The following LHFPL3 variants were observed in gnomAD, a reference collection of about 807,000 sequenced individuals.
LHFPL3 encodes LHFPL tetraspan subfamily member 3, also known as LHFPL tetraspan subfamily member 3 protein.
LHFPL3 carries 5 observed loss-of-function variants against 19.3 expected under a neutral mutation model. The observed-to-expected ratio is 0.26, with a 90% CI of 0.14 to 0.54. The LOEUF (loss-of-function observed/expected upper bound fraction) is 0.54. LHFPL3 is among the 20% of genes least tolerant of loss of function. The pLI is 0.94. For missense variants in LHFPL3, 249 were observed against 307.4 expected, an observed-to-expected ratio of 0.81 and a Z score of 1.42; for synonymous variants, 133 against 126.2, an observed-to-expected ratio of 1.05 and a Z score of -0.36.
chr7:104,754,239 CAG>C (rs1046403591), intron 2 of LHFPL3, among the ~76,000 whole-genome samples: 2 of 152,072 alleles, frequency 1.3e-5, no homozygotes, highest in African/African-American at 2.4e-5. Context: ...AAAAAAGAAA[CAG>C]AATAAAATAA....
intron 2 of LHFPL3, among the ~76,000 whole-genome samples, chr7:104,859,584 A>G (rs934537177): frequency 1.3e-5 from 2 of 152,028 alleles, no homozygotes; most frequent in African/African-American, 4.8e-5. Flanking sequence ...TAGGAGAATC[A>G]CTTGAACCCG....
At chr7:104,862,798 G>C (rs1417703773) in intron 2 of LHFPL3, among the ~76,000 whole-genome samples, 2 of 152,160 alleles carry the variant, frequency 1.3e-5, no homozygotes, top group African/African-American at 4.8e-5. Context: ...GAAGTAAGCA[G>C]AGCCTGATAA....
chr7:104,357,021 G>A (rs1562873594), intron 1 of LHFPL3, among the ~76,000 whole-genome samples: 1 of 151,980 alleles, frequency 6.6e-6, no homozygotes, highest in African/African-American at 2.4e-5. Context: ...GGGACTTGGG[G>A]TCCCCAAATT....
At chr7:104,748,366 T>A (rs1794091098) in intron 2 of LHFPL3, among the ~76,000 whole-genome samples, 1 of 142,382 alleles carries the variant, frequency 7.0e-6, no homozygotes, top group African/African-American at 2.6e-5. Context: ...GGAGGATTAG[T>A]AAAAGAGGAA....
At chr7:104,605,605 C>T (rs1249013825) in intron 1 of LHFPL3, among the ~76,000 whole-genome samples, 1 of 152,180 alleles carries the variant, frequency 6.6e-6, no homozygotes, top group Non-Finnish European at 1.5e-5. Flanking sequence ...CCAACGGGTA[C>T]TCTGACTTGA....
chr7:104,691,373 G>A (rs1019258594), intron 1 of LHFPL3, among the ~76,000 whole-genome samples: 1 of 152,224 alleles, frequency 6.6e-6, no homozygotes, highest in African/African-American at 2.4e-5. Flanking sequence ...CCTATGATCA[G>A]TTGACAGAGG....
intron 1 of LHFPL3, among the ~76,000 whole-genome samples, chr7:104,696,203 G>A (rs1249539793): frequency 3.9e-5 from 6 of 152,210 alleles, no homozygotes; most frequent in African/African-American, 1.2e-4. Flanking sequence ...ACCTACCTCA[G>A]CCTCCCGGAG....
chr7:104,553,546 C>T (rs1584396957), intron 1 of LHFPL3, among the ~76,000 whole-genome samples: 1 of 152,074 alleles, frequency 6.6e-6, no homozygotes, highest in Admixed American at 6.6e-5. Flanking sequence ...TATGAAACTG[C>T]CTCTAGGTCC....
chr7:104,369,784 G>A (rs1457252149), intron 1 of LHFPL3, among the ~76,000 whole-genome samples: 1 of 152,158 alleles, frequency 6.6e-6, no homozygotes, highest in African/African-American at 2.4e-5. Flanking sequence ...GAATAATGAT[G>A]TTGAGCAACT....
chr7:104,774,642 T>C (rs1794611947), intron 2 of LHFPL3, among the ~76,000 whole-genome samples: 1 of 152,266 alleles, frequency 6.6e-6, no homozygotes, highest in African/African-American at 2.4e-5. Context: ...TGTGTTCCAG[T>C]GTTTTTCTAG....
At position 104,328,746 on chromosome 7, in the gene LHFPL3, CAGGAGGAGGAGGAGGAGG is replaced by C. The variant is rs71794813; in HGVS notation, c.-24_-7del. The C allele has an allele frequency of 2.7e-6, 4 of 1,489,742 alleles. No individual in the cohort carries two copies. The highest frequency in any genetic ancestry group is 1.4e-5 in the African/African-American group (1 of 70,998). 92.3% of individuals were successfully genotyped at this position (1,489,742 alleles called of 1,614,324 possible). A position where few individuals can be genotyped will look rare whatever the true frequency, so the allele number is the denominator to read the frequency against. ...TGAGAGGCGGGGGGAGGCGGAGGAC[CAGGAGGAGGAGGAGGAGG>C]AGGAGGAGGGGGAGAATGCCCGGAG... is the stretch of plus-strand genomic sequence containing the variant. On this transcript the variant is annotated 5_prime_UTR_variant, in exon 1 of 3. Transcript: ENST00000424859. This position sits in a 1 kb window ranked among gnomAD's most constrained non-coding sequence, Gnocchi z 4.6.
chr7:104,602,318 G>T (rs186725911), intron 1 of LHFPL3, among the ~76,000 whole-genome samples: 91 of 152,248 alleles, frequency 6.0e-4, no homozygotes, highest in African/African-American at 2.2e-3. Context: ...GCTGCGCCCA[G>T]CCAGCAATTT....
intron 2 of LHFPL3, among the ~76,000 whole-genome samples, chr7:104,796,258 G>A (rs1417862850): frequency 3.9e-5 from 6 of 152,168 alleles, no homozygotes; most frequent in East Asian, 1.9e-4. Context: ...GTGTGTGACC[G>A]GGGGGCTGGT....
intron 1 of LHFPL3, among the ~76,000 whole-genome samples, chr7:104,618,288 C>T (rs1175392075): frequency 6.6e-6 from 1 of 152,184 alleles, no homozygotes; most frequent in East Asian, 1.9e-4. Context: ...TAAGCAGTTG[C>T]TTGATTAACA....
chr7:104,586,646 T>C (rs947743713), intron 1 of LHFPL3, among the ~76,000 whole-genome samples: 7 of 152,180 alleles, frequency 4.6e-5, no homozygotes, highest in Admixed American at 6.6e-5. Context: ...TAAAGACGTC[T>C]AGTGGGTGAA....
At chr7:104,669,052 T>G in intron 1 of LHFPL3, 1 of 1,612,234 alleles carries the variant, frequency 6.2e-7, no homozygotes, top group Non-Finnish European at 8.5e-7. Context: ...CAGAAATGCA[T>G]GAAGGAGAGA....
At chr7:104,453,710 C>T (rs1282543101) in intron 1 of LHFPL3, among the ~76,000 whole-genome samples, 5 of 152,006 alleles carry the variant, frequency 3.3e-5, no homozygotes, top group Non-Finnish European at 7.4e-5. Context: ...ATCATAGGGG[C>T]GGGTCCCTCA....
chr7:104,779,237 T>C (rs73713438), intron 2 of LHFPL3, among the ~76,000 whole-genome samples: 4,234 of 152,264 alleles, frequency 0.028, 188 homozygotes, highest in African/African-American at 0.095. Context: ...AGGCAGGTCA[T>C]AGGTGTAAAG....
intron 1 of LHFPL3, among the ~76,000 whole-genome samples, chr7:104,430,370 G>GTATATATATA (rs1296589956): frequency 3.3e-5 from 2 of 61,424 alleles, no homozygotes; most frequent in Non-Finnish European, 6.0e-5. Context: ...ATTTCTGTGG[G>GTATATATATA]TATATATATA....
Sources: gnomAD v4.1 joint callset for allele counts (sites outside exome capture counted in the v4.1 genomes callset) on GRCh38, gnomAD v4.1.1 for gene constraint, Gnocchi (gnomAD v3.1) non-coding constraint, MANE v1.5 for transcripts, NCBI Gene and HGNC (gene_info 2026-07-23, HGNC 2026-07-21) for gene names.